The following MIDN variants were observed in gnomAD, a reference collection of about 807,000 sequenced individuals.
The protein encoded by MIDN is midnolin, also known as midbrain nucleolar protein.
Under a neutral mutation model 46.1 loss-of-function variants are expected in MIDN, and 26 were observed. The observed-to-expected ratio is 0.56, with a 90% CI of 0.41 to 0.78. The LOEUF is 0.78. MIDN is among the 30% of genes least tolerant of loss of function. MIDN has a pLI of 0.00. For synonymous variants in MIDN, 432 were observed against 343.3 expected (o/e 1.26, Z -2.86); for missense variants, 850 against 771.8 (o/e 1.10, Z -1.20).
intron 7 of MIDN, 148 bp from the exon 8 acceptor site, chr19:1,255,274 G>A (rs2081184884): frequency 8.3e-7 from 1 of 1,206,168 alleles, no homozygotes; most frequent in South Asian, 1.5e-5. Context: ...CTGGGGACGT[G>A]TCCCGCTCCC....
chr19:1,259,029 T>C lies in MIDN; in HGVS notation c.*1757T>C, dbSNP rs1316207570. The C allele has an allele frequency of 6.7e-6, 1 of 148,516 alleles. No homozygotes were observed. Among genetic ancestry groups the C allele is most frequent in the Non-Finnish European group, 1.5e-5 (1 of 67,384 alleles). 9.2% of individuals were successfully genotyped at this position (148,516 alleles called of 1,614,324 possible). A position where few individuals can be genotyped will look rare whatever the true frequency, so the allele number is the denominator to read the frequency against. On this transcript the variant is annotated 3_prime_UTR_variant, in exon 9 of 9. Transcript: ENST00000682408. ...ATTACCCGCCCTCGGGGGGTCGGGC[T>C]GTGGGGGTCCCGGCACCTGGCGTGA... is the stretch of plus-strand genomic sequence containing the variant.
intron 1 of MIDN, among the ~76,000 whole-genome samples, 156 bp downstream of exon 1, chr19:1,248,816 G>A (rs1368114919): frequency 1.3e-5 from 2 of 151,800 alleles, no homozygotes; most frequent in Admixed American, 6.5e-5. Context: ...GGGGCTCCGC[G>A]CAGCCAGCGC....
chr19:1,250,504 C>T lies in MIDN; in HGVS notation c.208C>T (p.Arg70Cys). ...CCAGCGCCTCAAAGTGCCCAAGGAG[C>T]GCCTGGCTCTTCTCCACAAAGACAC... is the stretch of plus-strand genomic sequence containing the variant. Reference protein sequence around the residue: ...LSQRLKVPKERLALLHKDTRL... With the variant: ...LSQRLKVPKECLALLHKDTRL... The change falls in exon 2 of 9, where the codon CGC becomes TGC. Residue 70 changes from arginine (R) to cysteine (C), a missense_variant. Arg to Cys is a radical substitution (Grantham distance 180). Coordinates refer to ENST00000682408, the MANE Select transcript of MIDN (RefSeq NM_001388306.1). The T allele has an allele frequency of 2.3e-6, 3 of 1,329,604 alleles. No individual in the cohort carries two copies. The highest frequency in any genetic ancestry group is 1.7e-5 in the South Asian group (1 of 57,214). The allele number at this position is 1,329,604 out of a possible 1,614,324, so 82.4% of individuals were successfully genotyped here.
intron 8 of MIDN, among the ~76,000 whole-genome samples, 158 bp from the exon 9 acceptor site, chr19:1,256,837 C>T (rs75277406): frequency 0.044 from 6,715 of 152,226 alleles, 213 homozygotes; most frequent in South Asian, 0.12. Flanking sequence ...CCACTGTGCC[C>T]GGCATGGTGG....
At chr19:1,254,556 C>A (rs756534782) in intron 6 of MIDN, 78 bp downstream of exon 6, 53 of 1,443,824 alleles carry the variant, frequency 3.7e-5, no homozygotes, top group Non-Finnish European at 5.0e-5. Flanking sequence ...TTGGGGAGGA[C>A]AAGGACTCTT....
At chr19:1,255,314 A>C (rs1048474014) in intron 7 of MIDN, 108 bp from the exon 8 acceptor site, 1 of 1,372,716 alleles carries the variant, frequency 7.3e-7, no homozygotes. Flanking sequence ...ACATCAGCCC[A>C]CATGTCCACG....
chr19:1,251,747 C>G (rs2081131219), intron 3 of MIDN, 92 bp from the exon 4 acceptor site: 6 of 1,527,992 alleles, frequency 3.9e-6, no homozygotes, highest in Admixed American at 1.8e-5. Flanking sequence ...CTGGGGCCCC[C>G]ACCCCGCCAG....
intron 4 of MIDN, among the ~76,000 whole-genome samples, 166 bp downstream of exon 4, chr19:1,252,067 C>T (rs1346968847): frequency 1.3e-5 from 2 of 152,176 alleles, no homozygotes; most frequent in Admixed American, 6.5e-5. Context: ...ACCTCCTCTC[C>T]CCCAAGATTC....
At position 1,255,403 on chromosome 19, in the gene MIDN, C is replaced by T. The variant is rs374014441; in HGVS notation, c.986-19C>T. ...GGACTGTGCCCGTGCCGGGCACTCACGGCCACCTCTGCCCGCAGGCACGCT... is the reference window on the plus strand; with the variant it reads ...GGACTGTGCCCGTGCCGGGCACTCATGGCCACCTCTGCCCGCAGGCACGCT... On this transcript the variant is annotated intron_variant, in intron 7 of 8. Coordinates refer to ENST00000682408, the MANE Select transcript of MIDN (RefSeq NM_001388306.1). The T allele has an allele frequency of 2.1e-5, 33 of 1,558,240 alleles. No individual in the cohort carries two copies. The highest frequency in any genetic ancestry group is 5.6e-5 in the Admixed American group (3 of 53,876).
At position 1,250,441 on chromosome 19, in the gene MIDN, C is replaced by A. The variant is rs2145484477; in HGVS notation, c.145C>A (p.Pro49Thr). Residue 49 changes from proline (P) to threonine (T), a missense_variant, in exon 2 of 9, where the codon CCC becomes ACC. Pro to Thr is a conservative substitution (Grantham distance 38). Coordinates refer to ENST00000682408, the MANE Select transcript of MIDN (RefSeq NM_001388306.1). ...TGTRYDLAVP[P>T]DETVEGLRKR... ...CACCCGCTACGACCTGGCCGTGCCG[C>A]CCGACGAGACGGTGGAGGGGCTGCG... 7.2e-7 allele frequency: 1 copy of A among 1,386,060 alleles called. No homozygotes were observed. Among genetic ancestry groups the A allele is most frequent in the Non-Finnish European group, 9.5e-7 (1 of 1,048,030 alleles). The allele number at this position is 1,386,060 out of a possible 1,614,324, so 85.9% of individuals were successfully genotyped here.
intron 7 of MIDN, 151 bp from the exon 8 acceptor site, chr19:1,255,271 C>T (rs1224509035): frequency 1.4e-5 from 17 of 1,179,022 alleles, no homozygotes; most frequent in Middle Eastern, 2.9e-4. Context: ...ATACTGGGGA[C>T]GTGTCCCGCT....
chr19:1,255,720 A>G lies in MIDN; in HGVS notation c.1258+26A>G, dbSNP rs57586121. On this transcript the variant is annotated intron_variant, in intron 8 of 8. Coordinates refer to ENST00000682408, the MANE Select transcript of MIDN (RefSeq NM_001388306.1). ...GTGAGTGGCCACCCTCGGGGGTCCT[A>G]CCTTCCCCGCCCGCCTGGGCTTCTC... The G allele has an allele frequency of 0.034, 51,765 of 1,523,540 alleles. 9,871 individuals carry two copies. The African/African-American group carries it at 0.51, about 15-fold the overall frequency. 94.4% of individuals were successfully genotyped at this position (1,523,540 alleles called of 1,614,324 possible).
At chr19:1,255,775 A>G (rs2081192483) in intron 8 of MIDN, 81 bp downstream of exon 8, 1 of 1,342,812 alleles carries the variant, frequency 7.4e-7, no homozygotes, top group Non-Finnish European at 9.9e-7. Flanking sequence ...TGGTGGGCTC[A>G]GGAGCAGCTG....
At chr19:1,254,806 C>A in intron 6 of MIDN, 96 bp from the exon 7 acceptor site, 1 of 1,389,806 alleles carries the variant, frequency 7.2e-7, no homozygotes, top group Non-Finnish European at 9.8e-7. Context: ...GACAGGTCAT[C>A]TCCTGACCTG....
In MIDN at chr19:1,257,134, G is replaced by A. The variant is rs7359976; in HGVS notation, c.1398G>A (p.Lys466=). 1 of 1,611,426 alleles carries A rather than the reference G, an allele frequency of 6.2e-7. No homozygotes were observed. The highest frequency in any genetic ancestry group is 8.5e-7 in the Non-Finnish European group (1 of 1,179,188). The change falls in exon 9 of 9, where the codon AAG becomes AAA. Residue 466 remains lysine (K), a synonymous_variant. Transcript: ENST00000682408. ...RGPYHWSPSR[K]AGRSDSSSSG... is the part of the protein sequence containing the mutation. Reference sequence around the variant, plus strand: ...CGTACCACTGGTCACCCAGCCGCAAGGCCGGCCGCAGCGACAGCAGTAGCA... The same window carrying A: ...CGTACCACTGGTCACCCAGCCGCAAAGCCGGCCGCAGCGACAGCAGTAGCA...
Position 1,257,356 on chromosome 19 carries a change from A to C in MIDN, c.*84A>C. ...GAGAGCCCCGGAGAGAACGTGGCCC[A>C]GCCCTGGAGGGCAGGCGGCCACTCC... On this transcript the variant is annotated 3_prime_UTR_variant, in exon 9 of 9. Coordinates refer to ENST00000682408, the MANE Select transcript of MIDN (RefSeq NM_001388306.1). 2 of 1,145,828 alleles carry C rather than the reference A, an allele frequency of 1.7e-6. No individual in the cohort carries two copies. The highest frequency in any genetic ancestry group is 2.5e-6 in the Non-Finnish European group (2 of 788,302). The allele number at this position is 1,145,828 out of a possible 1,614,324, so 71.0% of individuals were successfully genotyped here. A position where few individuals can be genotyped will look rare whatever the true frequency, so the allele number is the denominator to read the frequency against.
Position 1,256,998 on chromosome 19 carries a change from A to C in MIDN, c.1262A>C (p.Asp421Ala). The C allele has an allele frequency of 6.2e-7, 1 of 1,608,918 alleles. No homozygotes were observed. The highest frequency in any genetic ancestry group is 2.2e-5 in the East Asian group (1 of 44,878). The change falls in exon 9 of 9, where the codon GAC becomes GCC. Residue 421 changes from aspartate (D) to alanine (A), a missense_variant. Coordinates refer to ENST00000682408, the MANE Select transcript of MIDN (RefSeq NM_001388306.1). The part of the protein sequence containing the change: ...SQIRMCKPPG[D>A]RLRQTENRAT... ...CAGGCCACTACCTCCTTTGCAGGGG[A>C]CCGGCTTCGGCAGACAGAAAACCGC...
In MIDN at chr19:1,250,446, C is replaced by T. The variant is rs778545220; in HGVS notation, c.150C>T (p.Asp50=). The T allele has an allele frequency of 7.2e-7, 1 of 1,390,552 alleles. No individual in the cohort carries two copies. Among genetic ancestry groups the T allele is most frequent in the Non-Finnish European group, 9.5e-7 (1 of 1,050,340 alleles). 86.1% of individuals were successfully genotyped at this position (1,390,552 alleles called of 1,614,324 possible). A position where few individuals can be genotyped will look rare whatever the true frequency, so the allele number is the denominator to read the frequency against. The change falls in exon 2 of 9, where the codon GAC becomes GAT. Residue 50 remains aspartate, a synonymous_variant. Coordinates refer to ENST00000682408, the MANE Select transcript of MIDN (RefSeq NM_001388306.1). ...GTRYDLAVPP[D]ETVEGLRKRL... is the part of the protein sequence containing the mutation. ...GCTACGACCTGGCCGTGCCGCCCGACGAGACGGTGGAGGGGCTGCGCAAGC... is the reference window on the plus strand; with the variant it reads ...GCTACGACCTGGCCGTGCCGCCCGATGAGACGGTGGAGGGGCTGCGCAAGC...
Position 1,254,367 on chromosome 19 carries a change from G to A in MIDN, c.714G>A (p.Val238=), listed in dbSNP as rs747292530. Residue 238 remains valine (V), a synonymous_variant, in exon 6 of 9, where the codon GTG becomes GTA. Transcript: ENST00000682408. ...ASPVSSPCRP[V]SSAARVPPVP... The stretch of plus-strand genomic sequence containing the variant: ...CCGTGTCCTCGCCCTGCCGGCCGGT[G>A]TCCAGTGCCGCCCGAGTCCCCCCGG... 2.9e-5 allele frequency: 46 copies of A among 1,562,112 alleles called. No homozygotes were observed. The highest frequency in any genetic ancestry group is 3.9e-5 in the Non-Finnish European group (45 of 1,160,868).
Sources: allele counts gnomAD v4.1 joint callset (sites outside exome capture counted in the v4.1 genomes callset), GRCh38; gene constraint gnomAD v4.1.1; transcripts MANE v1.5; gene names NCBI Gene and HGNC (gene_info 2026-07-23, HGNC 2026-07-21).